The following UBASH3B variants were observed in gnomAD, a reference collection of about 807,000 sequenced individuals.
UBASH3B encodes ubiquitin-associated and SH3 domain-containing protein B.
Under a neutral mutation model 83.4 loss-of-function variants are expected in UBASH3B, and 37 were observed. The observed-to-expected ratio is 0.44, with a 90% CI of 0.34 to 0.58. The LOEUF is 0.58. UBASH3B is among the 20% of genes least tolerant of loss of function. The pLI is 0.01. For missense variants in UBASH3B, 657 were observed against 827.2 expected (o/e 0.79, Z 2.52); for synonymous variants, 304 against 318.3 (o/e 0.96, Z 0.48).
intron 1 of UBASH3B, among the ~76,000 whole-genome samples, chr11:122,707,539 T>C (rs1864137343): frequency 6.6e-6 from 1 of 151,640 alleles, no homozygotes; most frequent in Non-Finnish European, 1.5e-5. Context: ...GCTTATCTTT[T>C]TATTTTTTAT....
At chr11:122,730,524 C>T (rs59523293) in intron 1 of UBASH3B, among the ~76,000 whole-genome samples, 1,680 of 152,186 alleles carry the variant, frequency 0.011, 31 homozygotes, top group African/African-American at 0.039. Flanking sequence ...GGTGTAGGGC[C>T]AGCACTGCAC....
chr11:122,771,168 G>A (rs1054171924), intron 1 of UBASH3B, among the ~76,000 whole-genome samples: 9 of 151,684 alleles, frequency 5.9e-5, no homozygotes, highest in Admixed American at 2.0e-4. Context: ...GTTTGCTGGT[G>A]CCATTCTCTC....
In UBASH3B at chr11:122,783,057, G is replaced by T. The variant is rs1168352814; in HGVS notation, c.606G>T (p.Val202=). ...FAAEAASKTE[V]HVEPHKKQLH... is the part of the protein sequence containing the mutation. Reference sequence around the variant, plus strand: ...CCTTTTTCTTCCTTTTTCCAGAAGTGCATGTGGAACCTCATAAGAAGCAGC... The same window carrying T: ...CCTTTTTCTTCCTTTTTCCAGAAGTTCATGTGGAACCTCATAAGAAGCAGC... The change falls in exon 5 of 14, where the codon GTG becomes GTT. Residue 202 remains valine (V), a synonymous_variant. Transcript: ENST00000284273. 6.2e-7 allele frequency: 1 copy of T among 1,610,226 alleles called. No individual in the cohort carries two copies. The highest frequency in any genetic ancestry group is 1.3e-5 in the African/African-American group (1 of 74,714).
chr11:122,729,368 A>T (rs1355693525), intron 1 of UBASH3B, among the ~76,000 whole-genome samples: 1 of 152,146 alleles, frequency 6.6e-6, no homozygotes, highest in Non-Finnish European at 1.5e-5. Context: ...CCTGAGCCAC[A>T]CACTGGGGCT....
intron 1 of UBASH3B, among the ~76,000 whole-genome samples, chr11:122,704,061 C>T (rs1277832644): frequency 2.0e-5 from 3 of 152,170 alleles, no homozygotes; most frequent in East Asian, 1.9e-4. Context: ...GTGCCTGCGG[C>T]GGTGGGGCTT....
At chr11:122,680,365 T>C (rs1035707931) in intron 1 of UBASH3B, among the ~76,000 whole-genome samples, 1 of 152,214 alleles carries the variant, frequency 6.6e-6, no homozygotes, top group Non-Finnish European at 1.5e-5. Context: ...GATCAGGAAA[T>C]AGAGACTCAG....
chr11:122,810,075 A>T lies in UBASH3B; in HGVS notation c.*189A>T. 1 of 665,338 alleles carries T rather than the reference A, an allele frequency of 1.5e-6. No individual in the cohort carries two copies. 41.2% of individuals were successfully genotyped at this position (665,338 alleles called of 1,614,324 possible). A position where few individuals can be genotyped will look rare whatever the true frequency, so the allele number is the denominator to read the frequency against. ...GAAAGACTTGATTCAGAGGAAAAAA[A>T]TGTGTTCTCTCTGGACTCTTGCCTA... On this transcript the variant is annotated 3_prime_UTR_variant, in exon 14 of 14. Coordinates refer to ENST00000284273, the MANE Select transcript of UBASH3B (RefSeq NM_032873.5).
chr11:122,763,678 A>T (rs1223620050), intron 1 of UBASH3B, among the ~76,000 whole-genome samples: 2 of 152,188 alleles, frequency 1.3e-5, no homozygotes. Flanking sequence ...ACTGGACAAC[A>T]GCTGAAAGCA....
chr11:122,665,968 A>G (rs1038709842), intron 1 of UBASH3B, among the ~76,000 whole-genome samples: 2 of 152,190 alleles, frequency 1.3e-5, no homozygotes, highest in South Asian at 2.1e-4. Context: ...CTGTGGAAGC[A>G]TAAACATTCT....
chr11:122,751,688 C>T (rs1266787884), intron 1 of UBASH3B, among the ~76,000 whole-genome samples: 1 of 152,236 alleles, frequency 6.6e-6, no homozygotes, highest in Non-Finnish European at 1.5e-5. Flanking sequence ...GAGCCACACA[C>T]CCAGGCCTTC....
chr11:122,736,237 T>G (rs1860929863), intron 1 of UBASH3B, among the ~76,000 whole-genome samples: 1 of 151,926 alleles, frequency 6.6e-6, no homozygotes, highest in East Asian at 1.9e-4. Context: ...CATCTACTGC[T>G]AAAGCCCAAC....
chr11:122,717,464 T>G (rs1860544253), intron 1 of UBASH3B, among the ~76,000 whole-genome samples: 1 of 152,252 alleles, frequency 6.6e-6, no homozygotes, highest in African/African-American at 2.4e-5. Context: ...ACACCCAGGC[T>G]GCCTGGATCC....
At chr11:122,705,636 C>T (rs775760816) in intron 1 of UBASH3B, among the ~76,000 whole-genome samples, 2 of 152,082 alleles carry the variant, frequency 1.3e-5, no homozygotes, top group Admixed American at 6.6e-5. Flanking sequence ...AGGACTATTG[C>T]CCCAGGCGCT....
intron 5 of UBASH3B, 149 bp downstream of exon 5, chr11:122,783,371 C>T: frequency 1.1e-6 from 1 of 942,416 alleles, no homozygotes; most frequent in Non-Finnish European, 1.5e-6. Flanking sequence ...TGTGTCCAGC[C>T]TCTGCTTGCC....
intron 1 of UBASH3B, among the ~76,000 whole-genome samples, chr11:122,754,968 G>C (rs1803014177): frequency 6.6e-6 from 1 of 152,164 alleles, no homozygotes; most frequent in South Asian, 2.1e-4. Flanking sequence ...TGGAAAGAAG[G>C]CTCACGTTGG....
intron 1 of UBASH3B, among the ~76,000 whole-genome samples, chr11:122,748,830 C>T (rs1861159944): frequency 6.6e-6 from 1 of 152,194 alleles, no homozygotes; most frequent in South Asian, 2.1e-4. Context: ...TACTGATTTG[C>T]CACTTAACAA....
In UBASH3B at chr11:122,689,753, CA is replaced by C. The variant is rs1444853936; in HGVS notation, c.161+33545del. On this transcript the variant is annotated intron_variant, in intron 1 of 13. Coordinates refer to ENST00000284273, the MANE Select transcript of UBASH3B (RefSeq NM_032873.5). Reference sequence around the variant, plus strand: ...TCTGGAACTTCTCACTAACTGCCTTCAAGTTGGGAGTTACCACAACCCCCTC... The same window carrying C: ...TCTGGAACTTCTCACTAACTGCCTTCAGTTGGGAGTTACCACAACCCCCTC... 3.9e-5 allele frequency among the ~76,000 whole-genome samples: 6 copies of C among 152,322 alleles called. No individual in the cohort carries two copies. In the East Asian group the frequency reaches 1.2e-3, roughly 29 times the overall value.
In UBASH3B at chr11:122,808,221, G is replaced by A. The variant is rs1428459582; in HGVS notation, c.1812+45G>A. On this transcript the variant is annotated intron_variant, in intron 13 of 13. Transcript: ENST00000284273. ...TGGGGTCCGTGATGGCTAGTAGTTT[G>A]AAGTCAGTACAGTGACTGGCTGATT... 7 of 1,471,302 alleles carry A rather than the reference G, an allele frequency of 4.8e-6. No homozygotes were observed. The African/African-American group carries it at 8.3e-5, about 17-fold the overall frequency. The allele number at this position is 1,471,302 out of a possible 1,614,324, so 91.1% of individuals were successfully genotyped here.
At chr11:122,716,319 T>A (rs1053611478) in intron 1 of UBASH3B, among the ~76,000 whole-genome samples, 2 of 152,244 alleles carry the variant, frequency 1.3e-5, no homozygotes, top group Non-Finnish European at 2.9e-5. Flanking sequence ...ACTACAGGCA[T>A]GTAGCACAAT....
Sources: allele counts gnomAD v4.1 joint callset (sites outside exome capture counted in the v4.1 genomes callset), GRCh38; gene constraint gnomAD v4.1.1; transcripts MANE v1.5; gene names NCBI Gene and HGNC (gene_info 2026-07-23, HGNC 2026-07-21).